MAF: variants seen among roughly 807,000 people sequenced by gnomAD.
The protein encoded by MAF is MAF bZIP transcription factor, also known as transcription factor Maf.
In MAF, 10 loss-of-function variants were observed where a neutral mutation model predicts 22.0. That is an observed-to-expected ratio of 0.45 (90% CI 0.28 to 0.77). The LOEUF is 0.77. MAF is among the 30% of genes least tolerant of loss of function. The pLI is 0.12. For missense variants in MAF, 544 were observed against 548.4 expected (o/e 0.99, Z 0.08); for synonymous variants, 337 against 255.8 (o/e 1.32, Z -3.03).
chr16:79,345,510 T>C, the MAF span, among the ~76,000 whole-genome samples: 1 of 152,004 alleles, frequency 6.6e-6, no homozygotes, highest in Non-Finnish European at 1.5e-5. Context: ...GGTGGATTAC[T>C]TGAGGTCAGG....
chr16:79,279,017 T>C, the MAF span, among the ~76,000 whole-genome samples: 1 of 152,188 alleles, frequency 6.6e-6, no homozygotes, highest in Non-Finnish European at 1.5e-5. Flanking sequence ...ACAGCATGCT[T>C]CCTATTTTCT....
At chr16:79,550,735 C>G in the MAF span, among the ~76,000 whole-genome samples, 1 of 152,070 alleles carries the variant, frequency 6.6e-6, no homozygotes, top group Non-Finnish European at 1.5e-5. Context: ...GGATTTTGCA[C>G]CATCTAATCT....
At chr16:79,452,664 T>A in the MAF span, among the ~76,000 whole-genome samples, 2,156 of 152,274 alleles carry the variant, frequency 0.014, 51 homozygotes, top group African/African-American at 0.049. Context: ...TTTGGGCACC[T>A]AGATTCCATT....
the MAF span, among the ~76,000 whole-genome samples, chr16:79,561,780 A>G: frequency 1.3e-5 from 2 of 152,196 alleles, no homozygotes; most frequent in Admixed American, 6.5e-5. Context: ...ATGAAACTCA[A>G]TGGACTGAGA....
the MAF span, among the ~76,000 whole-genome samples, chr16:79,467,672 T>C: frequency 2.6e-5 from 4 of 152,162 alleles, no homozygotes; most frequent in Non-Finnish European, 4.4e-5. Flanking sequence ...GGGCCCACCC[T>C]GGACCTCGTG....
the MAF span, among the ~76,000 whole-genome samples, chr16:79,490,709 T>A: frequency 6.6e-6 from 1 of 152,230 alleles, no homozygotes; most frequent in Non-Finnish European, 1.5e-5. Context: ...CATAGTACTT[T>A]CACTCTCAAA....
chr16:79,361,645 C>A, the MAF span, among the ~76,000 whole-genome samples: 3 of 152,104 alleles, frequency 2.0e-5, no homozygotes, highest in East Asian at 5.8e-4. Flanking sequence ...GACTGTGTCA[C>A]CTTTCAAGAG....
chr16:79,409,072 C>T, the MAF span, among the ~76,000 whole-genome samples: 44 of 151,842 alleles, frequency 2.9e-4, 2 homozygotes, highest in East Asian at 8.2e-3. Context: ...TGAACAGCAC[C>T]TGGAGTTGTG....
the MAF span, among the ~76,000 whole-genome samples, chr16:79,293,900 A>T: frequency 9.2e-5 from 14 of 151,980 alleles, no homozygotes; most frequent in Non-Finnish European, 2.9e-5. Flanking sequence ...CTTTGTCTCT[A>T]TCTGAGAATG....
chr16:79,221,604 T>A, the MAF span, among the ~76,000 whole-genome samples: 1 of 152,196 alleles, frequency 6.6e-6, no homozygotes, highest in African/African-American at 2.4e-5. Flanking sequence ...ATCCAGAAAT[T>A]CAAATTCTAG....
At chr16:79,575,306 GC>G in the MAF span, among the ~76,000 whole-genome samples, 2 of 152,082 alleles carry the variant, frequency 1.3e-5, no homozygotes, top group Non-Finnish European at 2.9e-5. Context: ...GACCATGAAG[GC>G]CCACCCTTGG....
chr16:79,542,448 A>C, the MAF span, among the ~76,000 whole-genome samples: 1 of 152,214 alleles, frequency 6.6e-6, no homozygotes, highest in Non-Finnish European at 1.5e-5. Flanking sequence ...AACAGGGGTC[A>C]GTGGCCCCAG....
the MAF span, among the ~76,000 whole-genome samples, chr16:79,255,982 C>CT: frequency 2.9e-3 from 288 of 99,690 alleles, 2 homozygotes; most frequent in Middle Eastern, 0.021. Context: ...CTTTTCTTTT[C>CT]TTTTTTTTTT....
At chr16:79,499,304 G>T in the MAF span, among the ~76,000 whole-genome samples, 11 of 152,130 alleles carry the variant, frequency 7.2e-5, no homozygotes, top group Admixed American at 7.2e-4. Context: ...GAATGAAGGA[G>T]TAAGCACCAT....
chr16:79,317,664 A>G, the MAF span, among the ~76,000 whole-genome samples: 1 of 152,136 alleles, frequency 6.6e-6, no homozygotes, highest in Non-Finnish European at 1.5e-5. Context: ...GACCTCCCAG[A>G]GGGAACAGCC....
chr16:79,431,430 G>C, the MAF span, among the ~76,000 whole-genome samples: 1 of 152,160 alleles, frequency 6.6e-6, no homozygotes, highest in African/African-American at 2.4e-5. Context: ...AGTGTAGTGG[G>C]CTTGAAATAG....
the MAF span, among the ~76,000 whole-genome samples, chr16:79,568,380 C>A: frequency 3.9e-5 from 6 of 152,172 alleles, no homozygotes; most frequent in African/African-American, 1.4e-4. Context: ...GTTCAAATTC[C>A]TGTTCTATCT....
the MAF span, among the ~76,000 whole-genome samples, chr16:79,223,934 A>G: frequency 6.6e-6 from 1 of 152,306 alleles, no homozygotes; most frequent in Admixed American, 6.5e-5. Flanking sequence ...CAGGAGTACA[A>G]AGAGGAGCTG....
At chr16:79,553,404 G>A in the MAF span, among the ~76,000 whole-genome samples, 1 of 152,228 alleles carries the variant, frequency 6.6e-6, no homozygotes, top group Non-Finnish European at 1.5e-5. Context: ...AGGCAGCCCT[G>A]GAGGCTCCTG....
Sources: allele counts gnomAD v4.1 joint callset (sites outside exome capture counted in the v4.1 genomes callset), GRCh38; gene constraint gnomAD v4.1.1; transcripts MANE v1.5; gene names NCBI Gene and HGNC (gene_info 2026-07-23, HGNC 2026-07-21).